ATP1B3: variants seen among roughly 807,000 people sequenced by gnomAD.
ATP1B3 encodes sodium/potassium-transporting ATPase subunit beta-3.
ATP1B3 carries 10 observed loss-of-function variants against 30.2 expected under a neutral mutation model. That is an observed-to-expected ratio of 0.33 (90% CI 0.20 to 0.56). The LOEUF (loss-of-function observed/expected upper bound fraction) is 0.56. Among genes scored for constraint, ATP1B3 ranks in the 20% least tolerant of loss-of-function variants. The probability of loss-of-function intolerance (pLI) is 0.90; values close to 1 mark genes in which losing one functional copy is unlikely to be tolerated. For missense variants in ATP1B3, 238 were observed against 336.7 expected (o/e 0.71, Z 2.29); for synonymous variants, 113 against 117.0 (o/e 0.97, Z 0.22).
At position 141,877,587 on chromosome 3, in the gene ATP1B3, T is replaced by C. The variant is rs1339127721; in HGVS notation, c.109+677T>C. The stretch of plus-strand genomic sequence containing the variant: ...GGTTGGTTCCTCCCGGATTCCTTTT[T>C]AATTACAGAGGTTTTCTTCCTTACA... On this transcript the variant is annotated intron_variant, in intron 1 of 6. Transcript: ENST00000286371. 2.6e-5 allele frequency: 4 copies of C among 152,158 alleles called. No homozygotes were observed. In the East Asian group the frequency reaches 7.7e-4, roughly 29 times the overall value. 9.4% of individuals were successfully genotyped at this position (152,158 alleles called of 1,614,324 possible). A position where few individuals can be genotyped will look rare whatever the true frequency, so the allele number is the denominator to read the frequency against.
chr3:141,903,019 C>T (rs1430690748), intron 1 of ATP1B3: 2 of 152,944 alleles, frequency 1.3e-5, no homozygotes, highest in African/African-American at 2.4e-5. Context: ...TATGTGCTGC[C>T]AAAGTGAGCA....
chr3:141,915,414 A>G (rs543704080), intron 4 of ATP1B3, among the ~76,000 whole-genome samples: 3 of 152,368 alleles, frequency 2.0e-5, no homozygotes, highest in Non-Finnish European at 4.4e-5. Flanking sequence ...ATCTCACAAA[A>G]TGTATAAATA....
At chr3:141,898,440 T>C (rs1165072138) in intron 1 of ATP1B3, among the ~76,000 whole-genome samples, 2 of 152,190 alleles carry the variant, frequency 1.3e-5, no homozygotes, top group South Asian at 4.1e-4. Flanking sequence ...AATGAGAAAA[T>C]GATCTGAATA....
chr3:141,883,385 A>C (rs755485906), intron 1 of ATP1B3, among the ~76,000 whole-genome samples: 1 of 152,132 alleles, frequency 6.6e-6, no homozygotes, highest in African/African-American at 2.4e-5. Flanking sequence ...TCAGACTTTG[A>C]TAATGACCTG....
chr3:141,919,421 T>C (rs1176740159), intron 5 of ATP1B3, among the ~76,000 whole-genome samples: 1 of 152,132 alleles, frequency 6.6e-6, no homozygotes, highest in African/African-American at 2.4e-5. Flanking sequence ...ATGGCCAAGG[T>C]GGCCTTTTAT....
chr3:141,903,405 A>AG (rs1934202736), intron 1 of ATP1B3, among the ~76,000 whole-genome samples: 1 of 152,080 alleles, frequency 6.6e-6, no homozygotes. Context: ...ACCAGGGAAA[A>AG]GGAGGGGTCA....
At chr3:141,905,797 A>AC (rs11384805) in intron 2 of ATP1B3, among the ~76,000 whole-genome samples, 34,822 of 151,972 alleles carry the variant, frequency 0.23, 4,142 homozygotes, top group African/African-American at 0.25. Flanking sequence ...AAAACACTGA[A>AC]CTCTGTTTAT....
chr3:141,879,072 A>G (rs1409017211), intron 1 of ATP1B3, among the ~76,000 whole-genome samples: 1 of 152,170 alleles, frequency 6.6e-6, no homozygotes, highest in Non-Finnish European at 1.5e-5. Context: ...AAGGGACTGT[A>G]TGGGCTTGCT....
intron 6 of ATP1B3, among the ~76,000 whole-genome samples, chr3:141,923,347 G>A (rs1377091339): frequency 1.3e-5 from 2 of 151,816 alleles, no homozygotes; most frequent in Non-Finnish European, 2.9e-5. Flanking sequence ...TTTATAAGAA[G>A]AGGAAGAGAG....
intron 1 of ATP1B3, among the ~76,000 whole-genome samples, chr3:141,889,798 T>C (rs1933907426): frequency 7.5e-6 from 1 of 133,222 alleles, no homozygotes; most frequent in Non-Finnish European, 1.6e-5. Context: ...CACACACACG[T>C]ATATCTACAT....
intron 1 of ATP1B3, among the ~76,000 whole-genome samples, chr3:141,877,199 C>G (rs1470253196): frequency 7.3e-6 from 1 of 137,676 alleles, no homozygotes; most frequent in Non-Finnish European, 1.6e-5. Context: ...CCCGGGCCTC[C>G]CGCCCGGCGC....
chr3:141,894,380 A>C (rs1167894822), intron 1 of ATP1B3, among the ~76,000 whole-genome samples: 2 of 151,808 alleles, frequency 1.3e-5, no homozygotes, highest in African/African-American at 4.8e-5. Flanking sequence ...CTGGTCTCGA[A>C]CTCCTGGCTT....
chr3:141,879,751 C>G (rs1209670604), intron 1 of ATP1B3, among the ~76,000 whole-genome samples: 1 of 128,360 alleles, frequency 7.8e-6, no homozygotes, highest in East Asian at 2.4e-4. Context: ...TGCACTCCAG[C>G]CTGGGCGACA....
chr3:141,915,535 CAG>C (rs1185019335), intron 4 of ATP1B3, among the ~76,000 whole-genome samples: 40 of 152,132 alleles, frequency 2.6e-4, no homozygotes, highest in African/African-American at 9.7e-4. Context: ...CAGTGAGGCT[CAG>C]TGGGGCCCTC....
chr3:141,907,509 C>T (rs1934284704), intron 3 of ATP1B3, among the ~76,000 whole-genome samples: 1 of 152,102 alleles, frequency 6.6e-6, no homozygotes. Context: ...GGCGTGGTAG[C>T]ACGCGCCTGT....
At chr3:141,906,065 T>C (rs1292843872) in intron 2 of ATP1B3, among the ~76,000 whole-genome samples, 1 of 151,668 alleles carries the variant, frequency 6.6e-6, no homozygotes, top group East Asian at 1.9e-4. Flanking sequence ...TATATACATA[T>C]AATATGTATT....
Position 141,907,209 on chromosome 3 carries a change from C to A in ATP1B3, c.281C>A (p.Thr94Lys). 1 of 1,611,980 alleles carries A rather than the reference C, an allele frequency of 6.2e-7. No individual in the cohort carries two copies. The highest frequency in any genetic ancestry group is 2.2e-5 in the East Asian group (1 of 44,808). Residue 94 changes from threonine (T) to lysine (K), a missense_variant, in exon 3 of 7, where the codon ACA becomes AAA. Physicochemically the swap from Thr to Lys is moderately conservative, Grantham distance 78. This residue lies in a region of ATP1B3 where 130 missense variants were observed against 148.8 expected (regional missense o/e 0.87). Coordinates refer to ENST00000286371, the MANE Select transcript of ATP1B3 (RefSeq NM_001679.4). Reference sequence around the variant, plus strand: ...AAACCAGTGACCGCATTGGAATATACATTCAGTAGGTCTGATCCAACTTCG... The same window carrying A: ...AAACCAGTGACCGCATTGGAATATAAATTCAGTAGGTCTGATCCAACTTCG... Reference protein sequence around the residue: ...FPKPVTALEYTFSRSDPTSYA... With the variant: ...FPKPVTALEYKFSRSDPTSYA...
chr3:141,906,454 A>C (rs1934268244), intron 2 of ATP1B3, among the ~76,000 whole-genome samples: 1 of 152,234 alleles, frequency 6.6e-6, no homozygotes, highest in South Asian at 2.1e-4. Flanking sequence ...TGCCAGGATT[A>C]CAGGTGTGAA....
At chr3:141,898,570 T>G (rs1934110421) in intron 1 of ATP1B3, among the ~76,000 whole-genome samples, 1 of 152,118 alleles carries the variant, frequency 6.6e-6, no homozygotes, top group African/African-American at 2.4e-5. Context: ...TTGTATCCAC[T>G]AGGATAGCTG....
Sources: gnomAD v4.1 joint callset for allele counts (sites outside exome capture counted in the v4.1 genomes callset) on GRCh38, gnomAD v4.1.1 for gene constraint, gnomAD v4.1.1 regional missense constraint, MANE v1.5 for transcripts, NCBI Gene and HGNC (gene_info 2026-07-23, HGNC 2026-07-21) for gene names.